The following SNTG2 variants were observed in gnomAD, a reference collection of about 807,000 sequenced individuals.
The protein encoded by SNTG2 is gamma-2-syntrophin.
Under a neutral mutation model 70.9 loss-of-function variants are expected in SNTG2, and 74 were observed. That is an observed-to-expected ratio of 1.04 (90% confidence interval 0.86 to 1.27). SNTG2 has a LOEUF of 1.27. Ranked by LOEUF, SNTG2 falls within the 50% of genes most tolerant of loss-of-function variation. The pLI is 0.00. For missense variants in SNTG2, 717 were observed against 690.7 expected, an observed-to-expected ratio of 1.04 and a Z score of -0.43; for synonymous variants, 278 against 273.8, an observed-to-expected ratio of 1.02 and a Z score of -0.15.
intron 1 of SNTG2, among the ~76,000 whole-genome samples, chr2:1,023,499 T>C (rs1558318518): frequency 6.6e-6 from 1 of 152,218 alleles, no homozygotes; most frequent in Admixed American, 6.5e-5. Context: ...GCCTGACTTA[T>C]TTTGTTAACA....
chr2:991,552 C>T (rs1002557833), intron 1 of SNTG2, among the ~76,000 whole-genome samples: 1 of 152,090 alleles, frequency 6.6e-6, no homozygotes, highest in African/African-American at 2.4e-5. Context: ...ATAGTTTTGA[C>T]CTAATACTCA....
intron 1 of SNTG2, among the ~76,000 whole-genome samples, chr2:1,071,557 C>T (rs999436379): frequency 9.4e-5 from 14 of 149,512 alleles, no homozygotes; most frequent in South Asian, 2.2e-4. Context: ...TGCTAGATGA[C>T]GAGTTAGTGG....
intron 13 of SNTG2, among the ~76,000 whole-genome samples, chr2:1,266,189 G>C (rs977259624): frequency 1.3e-5 from 2 of 152,194 alleles, no homozygotes; most frequent in Middle Eastern, 3.4e-3. Context: ...GAGAGAGAGA[G>C]AGACAGACAG....
chr2:1,105,248 A>G (rs990956488), intron 4 of SNTG2, among the ~76,000 whole-genome samples: 1 of 151,842 alleles, frequency 6.6e-6, no homozygotes, highest in Non-Finnish European at 1.5e-5. Context: ...CCCCACTTGC[A>G]TTTTGTCATT....
chr2:1,323,729 C>G (rs141667135), intron 16 of SNTG2, among the ~76,000 whole-genome samples: 2 of 148,918 alleles, frequency 1.3e-5, no homozygotes, highest in South Asian at 2.2e-4. Flanking sequence ...GCTGAGACCT[C>G]CCCCCACCCA....
intron 9 of SNTG2, among the ~76,000 whole-genome samples, chr2:1,226,578 C>T (rs1353393113): frequency 6.7e-6 from 1 of 149,728 alleles, no homozygotes; most frequent in African/African-American, 2.5e-5. Flanking sequence ...GCCTGTGATA[C>T]ACCAAGGCTC....
intron 16 of SNTG2, among the ~76,000 whole-genome samples, chr2:1,333,402 A>T (rs1254968157): frequency 6.6e-6 from 1 of 152,246 alleles, no homozygotes; most frequent in African/African-American, 2.4e-5. Context: ...TTCAGTCCCC[A>T]TCAAAATATC....
intron 1 of SNTG2, among the ~76,000 whole-genome samples, chr2:985,958 A>C (rs1661299733): frequency 1.3e-5 from 2 of 151,898 alleles, no homozygotes; most frequent in Non-Finnish European, 2.9e-5. Flanking sequence ...ACCTATTTTT[A>C]TTTTATTTTT....
At chr2:1,113,115 C>T (rs1446786581) in intron 4 of SNTG2, among the ~76,000 whole-genome samples, 10 of 129,432 alleles carry the variant, frequency 7.7e-5, no homozygotes, top group East Asian at 7.1e-4. Flanking sequence ...ATCGTGTGTA[C>T]TAAGTGAGGT....
intron 6 of SNTG2, among the ~76,000 whole-genome samples, chr2:1,147,115 G>A (rs762250829): frequency 2.6e-5 from 4 of 152,172 alleles, no homozygotes; most frequent in African/African-American, 7.2e-5. Context: ...ACAAAGGATA[G>A]TTGTATTATG....
At chr2:1,110,603 G>A (rs1666377841) in intron 4 of SNTG2, among the ~76,000 whole-genome samples, 2 of 152,152 alleles carry the variant, frequency 1.3e-5, no homozygotes, top group South Asian at 4.1e-4. Context: ...AGAAAGCAGA[G>A]ACTTGAGCAG....
chr2:1,285,232 G>T (rs1679718608), intron 14 of SNTG2, among the ~76,000 whole-genome samples: 1 of 152,012 alleles, frequency 6.6e-6, no homozygotes, highest in Non-Finnish European at 1.5e-5. Flanking sequence ...CCAGATTAAG[G>T]GTGGGTCTGC....
chr2:1,033,865 A>G (rs1053690627), intron 1 of SNTG2, among the ~76,000 whole-genome samples: 3 of 152,226 alleles, frequency 2.0e-5, no homozygotes, highest in Non-Finnish European at 2.9e-5. Context: ...GAGTGTTTCC[A>G]GTTTCTTCCT....
intron 8 of SNTG2, among the ~76,000 whole-genome samples, chr2:1,179,052 A>G (rs1671682662): frequency 6.6e-6 from 1 of 152,132 alleles, no homozygotes; most frequent in Non-Finnish European, 1.5e-5. Flanking sequence ...GTGTCGAGGA[A>G]TTTATCCATT....
chr2:1,177,033 A>G (rs1034413293), intron 8 of SNTG2, among the ~76,000 whole-genome samples: 8 of 152,252 alleles, frequency 5.3e-5, no homozygotes, highest in African/African-American at 1.4e-4. Flanking sequence ...ATGCATGTGT[A>G]TATTAATTGC....
At chr2:1,020,858 T>G (rs182460371) in intron 1 of SNTG2, among the ~76,000 whole-genome samples, 35 of 152,334 alleles carry the variant, frequency 2.3e-4, no homozygotes, top group Middle Eastern at 3.4e-3. Flanking sequence ...ATAGTAACTG[T>G]TAGACAGCAT....
At chr2:1,158,012 G>A (rs4246567) in intron 6 of SNTG2, among the ~76,000 whole-genome samples, 1 of 152,208 alleles carries the variant, frequency 6.6e-6, no homozygotes, top group African/African-American at 2.4e-5. Context: ...TTTGGTACGG[G>A]GCATCCTGTA....
chr2:1,088,365 T>C (rs935544912), intron 2 of SNTG2, among the ~76,000 whole-genome samples: 13 of 152,226 alleles, frequency 8.5e-5, no homozygotes, highest in Non-Finnish European at 1.2e-4. Context: ...TCAGCTCTGA[T>C]GCCTGTGTGT....
At chr2:1,169,553 G>T (rs1035153675) in intron 7 of SNTG2, among the ~76,000 whole-genome samples, 1 of 152,324 alleles carries the variant, frequency 6.6e-6, no homozygotes, top group East Asian at 1.9e-4. Flanking sequence ...TTCCCTCTGA[G>T]GATGGGCAGC....
Sources: allele counts gnomAD v4.1 joint callset (sites outside exome capture counted in the v4.1 genomes callset), GRCh38; gene constraint gnomAD v4.1.1; transcripts MANE v1.5; gene names NCBI Gene and HGNC (gene_info 2026-07-23, HGNC 2026-07-21).